NBEAL1: variants seen among roughly 807,000 people sequenced by gnomAD.
NBEAL1 encodes neurobeachin-like protein 1.
NBEAL1 carries 273 observed loss-of-function variants against 351.3 expected under a neutral mutation model. The observed-to-expected ratio is 0.78, with a 90% confidence interval of 0.70 to 0.86. The LOEUF (loss-of-function observed/expected upper bound fraction) is 0.86, where lower values mean the gene tolerates loss of function less well. NBEAL1 is among the 40% of genes least tolerant of loss of function. NBEAL1 has a pLI of 0.00. For missense variants in NBEAL1, 2,961 were observed against 3,201.3 expected, an observed-to-expected ratio of 0.92 and a Z score of 1.81; for synonymous variants, 1,050 against 1,086.4, an observed-to-expected ratio of 0.97 and a Z score of 0.66.
chr2:203,147,219 A>G (rs2063535845), intron 33 of NBEAL1, among the ~76,000 whole-genome samples: 1 of 152,194 alleles, frequency 6.6e-6, no homozygotes, highest in African/African-American at 2.4e-5. Context: ...GAAGGAAAAA[A>G]TAAAACTATC....
intron 19 of NBEAL1, among the ~76,000 whole-genome samples, chr2:203,122,626 C>A (rs950054639): frequency 9.2e-5 from 14 of 152,290 alleles, no homozygotes; most frequent in African/African-American, 3.4e-4. Flanking sequence ...CTGGCAGGGG[C>A]AACTGTCTGT....
Position 203,217,607 on chromosome 2 carries a change from G to A in NBEAL1, c.*253G>A, listed in dbSNP as rs753359065. The A allele has an allele frequency of 3.8e-5, 40 of 1,048,084 alleles. No individual in the cohort carries two copies. Among genetic ancestry groups the A allele is most frequent in the Admixed American group, 5.0e-5 (1 of 20,078 alleles). The allele number at this position is 1,048,084 out of a possible 1,614,324, so 64.9% of individuals were successfully genotyped here. A position where few individuals can be genotyped will look rare whatever the true frequency, so the allele number is the denominator to read the frequency against. On this transcript the variant is annotated 3_prime_UTR_variant, in exon 56 of 56. Coordinates refer to ENST00000683969, the MANE Select transcript of NBEAL1 (RefSeq NM_001378026.1). The stretch of plus-strand genomic sequence containing the variant: ...ATCCATTTTTAAAACAAACTAAAAT[G>A]AGAACATTAGGTTCAATTTTCTTAT...
At chr2:203,025,765 T>C (rs1017626573) in intron 2 of NBEAL1, among the ~76,000 whole-genome samples, 4 of 152,200 alleles carry the variant, frequency 2.6e-5, no homozygotes, top group Non-Finnish European at 5.9e-5. Context: ...GCAAATCCAG[T>C]TGGGCAAATA....
At chr2:203,066,046 C>T (rs2061580016) in intron 6 of NBEAL1, among the ~76,000 whole-genome samples, 1 of 152,192 alleles carries the variant, frequency 6.6e-6, no homozygotes, top group Admixed American at 6.5e-5. Flanking sequence ...GTTCTCACCC[C>T]TTTTGTTTAT....
chr2:203,145,486 T>C (rs1167548198), intron 33 of NBEAL1, among the ~76,000 whole-genome samples: 1 of 152,154 alleles, frequency 6.6e-6, no homozygotes, highest in East Asian at 1.9e-4. Context: ...CATCAAATTT[T>C]AAGTTTCTAC....
chr2:203,142,024 G>C (rs1432854157), intron 31 of NBEAL1, among the ~76,000 whole-genome samples: 2 of 152,148 alleles, frequency 1.3e-5, no homozygotes, highest in African/African-American at 2.4e-5. Flanking sequence ...TACTCCCCCT[G>C]TTGCCTTAGC....
rs2061516338 is a variant in NBEAL1, at chr2:203,062,460, G to T, written c.515+5007G>T. The T allele has an allele frequency of 1.1e-5, 4 of 358,608 alleles. No individual in the cohort carries two copies. Among genetic ancestry groups the T allele is most frequent in the Non-Finnish European group, 2.2e-5 (4 of 184,844 alleles). 22.2% of individuals were successfully genotyped at this position (358,608 alleles called of 1,614,324 possible). On this transcript the variant is annotated intron_variant, in intron 6 of 55. Coordinates refer to ENST00000683969, the MANE Select transcript of NBEAL1 (RefSeq NM_001378026.1). The surrounding 1 kb of genome is among the most constrained non-coding windows in gnomAD (Gnocchi z 4.2). ...CCCAGGGATCTTGCAGGGCCTGCAG[G>T]TCACAGGCAACAGAGGCTGCCCCAG...
At chr2:203,134,182 G>A (rs987968440) in intron 27 of NBEAL1, among the ~76,000 whole-genome samples, 1 of 152,002 alleles carries the variant, frequency 6.6e-6, no homozygotes, top group Non-Finnish European at 1.5e-5. Context: ...TATGTACTTA[G>A]CTCTGAGTAT....
Position 203,217,397 on chromosome 2 carries a change from A to T in NBEAL1, c.*43A>T. 6.6e-7 allele frequency: 1 copy of T among 1,515,212 alleles called. No homozygotes were observed. The allele number at this position is 1,515,212 out of a possible 1,614,324, so 93.9% of individuals were successfully genotyped here. ...TGTTATGATTACTGAAACCTGATTT[A>T]TTGCTTTGTCACTTTAACCACATCT... On this transcript the variant is annotated 3_prime_UTR_variant, in exon 56 of 56. Transcript: ENST00000683969.
rs2062575558 is a variant in NBEAL1 at position 203,111,626 on chromosome 2, G to A, written c.2083-353G>A. 2.6e-5 allele frequency among the ~76,000 whole-genome samples: 4 copies of A among 152,204 alleles called. No homozygotes were observed. The South Asian group carries it at 8.3e-4, about 32-fold the overall frequency. ...ATCCGCCCACCTCCCAGAGTGCTGG[G>A]ATTACAGGTGTGAGCCACTGCGCCC... On this transcript the variant is annotated intron_variant, in intron 15 of 55. Transcript: ENST00000683969.
intron 8 of NBEAL1, 102 bp downstream of exon 8, chr2:203,077,939 C>G (rs2061806028): frequency 1.8e-6 from 1 of 559,858 alleles, no homozygotes; most frequent in Non-Finnish European, 2.8e-6. Flanking sequence ...ATTTCATTCA[C>G]CATACAAATA....
intron 26 of NBEAL1, among the ~76,000 whole-genome samples, chr2:203,132,635 G>A (rs2063100197): frequency 6.6e-6 from 1 of 152,116 alleles, no homozygotes; most frequent in Non-Finnish European, 1.5e-5. Context: ...CTTCCAAGTA[G>A]CTGGAACTAC....
At chr2:203,133,420 C>A (rs1200197904) in intron 27 of NBEAL1, among the ~76,000 whole-genome samples, 1 of 151,894 alleles carries the variant, frequency 6.6e-6, no homozygotes, top group African/African-American at 2.4e-5. Context: ...TTATTAAGAA[C>A]CTTCAATGAT....
intron 36 of NBEAL1, among the ~76,000 whole-genome samples, chr2:203,160,671 C>T (rs1343628975): frequency 2.0e-5 from 3 of 152,112 alleles, no homozygotes; most frequent in Non-Finnish European, 4.4e-5. Flanking sequence ...GCCAATCTGG[C>T]TTCTGATCTC....
chr2:203,167,481 T>G, intron 38 of NBEAL1, 121 bp downstream of exon 38: 1 of 1,040,946 alleles, frequency 9.6e-7, no homozygotes, highest in Non-Finnish European at 1.3e-6. Flanking sequence ...GAGGAAAAAA[T>G]ACATACTTTG....
At chr2:203,213,862 C>A in intron 55 of NBEAL1, 2 of 775,872 alleles carry the variant, frequency 2.6e-6, no homozygotes, top group Non-Finnish European at 3.1e-6. Flanking sequence ...TTTGGCAATT[C>A]TATCTACCAC....
rs749756547 is a variant in NBEAL1 at position 203,213,660 on chromosome 2, C to T, written c.8070+7C>T. The T allele has an allele frequency of 6.8e-5, 110 of 1,613,412 alleles. No homozygotes were observed. Among genetic ancestry groups the T allele is most frequent in the Non-Finnish European group, 9.2e-5 (108 of 1,179,848 alleles). ...TGTTGGCAAGCCTGCTGAGGTAAAA[C>T]CTAGCATCAGTAATTTCATTTCTCA... On this transcript the variant is annotated splice_region_variant and intron_variant, in intron 55 of 55. Transcript: ENST00000683969.
At chr2:203,016,758 C>G (rs1169098884) in intron 2 of NBEAL1, among the ~76,000 whole-genome samples, 1 of 152,102 alleles carries the variant, frequency 6.6e-6, no homozygotes, top group Non-Finnish European at 1.5e-5. Flanking sequence ...TTCATTTTCT[C>G]CCACAAGTGA....
chr2:203,095,866 G>A (rs1486601022), intron 10 of NBEAL1, among the ~76,000 whole-genome samples: 2 of 151,834 alleles, frequency 1.3e-5, no homozygotes, highest in African/African-American at 2.4e-5. Flanking sequence ...TCCACCTCCC[G>A]GGTTCAGGTG....
Sources: allele counts gnomAD v4.1 joint callset (sites outside exome capture counted in the v4.1 genomes callset), GRCh38; gene constraint gnomAD v4.1.1; non-coding constraint Gnocchi (gnomAD v3.1); transcripts MANE v1.5; gene names NCBI Gene and HGNC (gene_info 2026-07-23, HGNC 2026-07-21).